Variants in ZBTB8A observed in about 807,000 individuals in gnomAD.
ZBTB8A encodes the protein zinc finger and BTB domain-containing protein 8A.
A neutral mutation model predicts 37.8 loss-of-function variants in ZBTB8A; 19 were observed. The observed-to-expected ratio is 0.50, with a 90% CI of 0.35 to 0.74. ZBTB8A has a LOEUF of 0.74. ZBTB8A is among the 30% of genes least tolerant of loss of function. The probability of loss-of-function intolerance (pLI) is 0.01; values close to 1 mark genes in which losing one functional copy is unlikely to be tolerated. For synonymous variants in ZBTB8A, 181 were observed against 185.2 expected (o/e 0.98, Z 0.19); for missense variants, 394 against 537.8 (o/e 0.73, Z 2.65).
At chr1:32,550,012 A>G (rs1644138979) in intron 1 of ZBTB8A, among the ~76,000 whole-genome samples, 1 of 152,172 alleles carries the variant, frequency 6.6e-6, no homozygotes, top group Non-Finnish European at 1.5e-5. Context: ...GGGAAACTGA[A>G]TTGTAAAGGA....
chr1:32,601,902 G>T lies in ZBTB8A; in HGVS notation c.*1483G>T. 1 of 381,836 alleles carries T rather than the reference G, an allele frequency of 2.6e-6. No individual in the cohort carries two copies. The highest frequency in any genetic ancestry group is 4.6e-6 in the Non-Finnish European group (1 of 216,642). The allele number at this position is 381,836 out of a possible 1,614,324, so 23.7% of individuals were successfully genotyped here. The stretch of plus-strand genomic sequence containing the variant: ...ACCTATTGGTATGTTTTTATGTCAC[G>T]TTATTTATATGTAAATTTAAAGTAT... On this transcript the variant is annotated 3_prime_UTR_variant, in exon 5 of 5. Coordinates refer to ENST00000373510, the MANE Select transcript of ZBTB8A (RefSeq NM_001040441.3).
At chr1:32,591,853 GT>G in intron 2 of ZBTB8A, among the ~76,000 whole-genome samples, 1 of 152,080 alleles carries the variant, frequency 6.6e-6, no homozygotes, top group Middle Eastern at 3.4e-3. Context: ...TTGTTTGTTT[GT>G]TTGTTTTTTC....
chr1:32,549,487 C>T (rs1437833906), intron 1 of ZBTB8A, among the ~76,000 whole-genome samples: 15 of 146,538 alleles, frequency 1.0e-4, no homozygotes, highest in South Asian at 2.2e-4. Flanking sequence ...AGTAAAACTC[C>T]GTCTCAAAAA....
intron 2 of ZBTB8A, among the ~76,000 whole-genome samples, chr1:32,591,922 C>G (rs982102835): frequency 2.0e-5 from 3 of 152,116 alleles, no homozygotes; most frequent in Non-Finnish European, 4.4e-5. Context: ...CGGCTCACTG[C>G]AACCTCTACC....
rs1570297224 is a variant in ZBTB8A at position 32,539,740 on chromosome 1, G to C, written c.-84+168G>C. ...TCCCCGGGCCGGGAGCGCGGCGGGA[G>C]GCGCCCGGGAGGGGCTGCGGGACAA... On this transcript the variant is annotated intron_variant, in intron 1 of 4. Coordinates refer to ENST00000373510, the MANE Select transcript of ZBTB8A (RefSeq NM_001040441.3). 3.3e-3 allele frequency among the ~76,000 whole-genome samples: 146 copies of C among 44,644 alleles called. 1 individual carries two copies. Among genetic ancestry groups the C allele is most frequent in the Middle Eastern group, 0.013 (1 of 76 alleles). The allele number at this position is 44,644 out of a possible 152,430, so 29.3% of individuals were successfully genotyped here. A position where few individuals can be genotyped will look rare whatever the true frequency, so the allele number is the denominator to read the frequency against.
At chr1:32,581,362 T>TA (rs1557712848) in intron 2 of ZBTB8A, among the ~76,000 whole-genome samples, 27 of 133,504 alleles carry the variant, frequency 2.0e-4, no homozygotes, top group African/African-American at 7.7e-4. Flanking sequence ...ATATATATAT[T>TA]TTTTTTGAGA....
chr1:32,595,937 C>T (rs1001942404), intron 4 of ZBTB8A, among the ~76,000 whole-genome samples: 5 of 152,152 alleles, frequency 3.3e-5, no homozygotes, highest in Non-Finnish European at 5.9e-5. Context: ...GGGTTACAGG[C>T]GTGAGCCACA....
intron 2 of ZBTB8A, among the ~76,000 whole-genome samples, chr1:32,557,218 CT>C (rs1233365877): frequency 6.6e-6 from 1 of 150,872 alleles, no homozygotes; most frequent in Non-Finnish European, 1.5e-5. Context: ...AGGAGAATCA[CT>C]TGAACCTGGG....
At chr1:32,574,671 ATGTTTGCTGTGTAC>A (rs1326192597) in intron 2 of ZBTB8A, among the ~76,000 whole-genome samples, 18 of 152,240 alleles carry the variant, frequency 1.2e-4, no homozygotes, top group Non-Finnish European at 2.4e-4. Context: ...ATCTTGATTA[ATGTTTGCTGTGTAC>A]TTAAAAAGAA....
chr1:32,573,620 G>T (rs1570344782), intron 2 of ZBTB8A, among the ~76,000 whole-genome samples: 2 of 149,478 alleles, frequency 1.3e-5, no homozygotes, highest in East Asian at 4.0e-4. Flanking sequence ...TTTTTGTAGA[G>T]ACAGGGTTTC....
intron 2 of ZBTB8A, among the ~76,000 whole-genome samples, chr1:32,560,615 CTTTT>C (rs1170510859): frequency 2.2e-5 from 2 of 90,806 alleles, no homozygotes; most frequent in African/African-American, 4.5e-5. Context: ...TCTTTTCTTT[CTTTT>C]TTTTTTTTTT....
rs1285412274 is a variant in ZBTB8A, at chr1:32,600,823, A to T, written c.*404A>T. ...GACAATTTCAAGGTGTTTCAAAAAC[A>T]CATAACTACCAATGTTTAATTTCAC... On this transcript the variant is annotated 3_prime_UTR_variant, in exon 5 of 5. Transcript: ENST00000373510. The T allele has an allele frequency of 1.2e-5, 2 of 165,656 alleles. No individual in the cohort carries two copies. The highest frequency in any genetic ancestry group is 4.8e-5 in the African/African-American group (2 of 41,610). The allele number at this position is 165,656 out of a possible 1,614,324, so 10.3% of individuals were successfully genotyped here. A position where few individuals can be genotyped will look rare whatever the true frequency, so the allele number is the denominator to read the frequency against.
At chr1:32,563,333 G>A (rs191645784) in intron 2 of ZBTB8A, among the ~76,000 whole-genome samples, 1 of 152,272 alleles carries the variant, frequency 6.6e-6, no homozygotes, top group East Asian at 1.9e-4. Context: ...GGAGTTTGAG[G>A]TTGCAGTGAG....
intron 4 of ZBTB8A, among the ~76,000 whole-genome samples, chr1:32,599,641 C>T (rs963719931): frequency 1.3e-5 from 2 of 151,934 alleles, no homozygotes; most frequent in Non-Finnish European, 1.5e-5. Flanking sequence ...TGCATGAACC[C>T]CGGAGGCGGA....
At chr1:32,586,693 T>A (rs1644452438) in intron 2 of ZBTB8A, among the ~76,000 whole-genome samples, 1 of 151,946 alleles carries the variant, frequency 6.6e-6, no homozygotes, top group Admixed American at 6.6e-5. Flanking sequence ...CCTTGAATGT[T>A]CAGAAACAAG....
chr1:32,593,909 A>G (rs1644509693), intron 3 of ZBTB8A, among the ~76,000 whole-genome samples, 155 bp downstream of exon 3: 1 of 152,160 alleles, frequency 6.6e-6, no homozygotes, highest in Non-Finnish European at 1.5e-5. Context: ...TTATTTAGTA[A>G]GGATAGGCGT....
At chr1:32,577,868 CCACTT>C (rs1369842652) in intron 2 of ZBTB8A, among the ~76,000 whole-genome samples, 1 of 151,888 alleles carries the variant, frequency 6.6e-6, no homozygotes, top group African/African-American at 2.4e-5. Context: ...CAGGTGTGAG[CCACTT>C]CACTTGGCCC....
chr1:32,553,674 G>T (rs1000051793), intron 2 of ZBTB8A, 134 bp downstream of exon 2: 7 of 151,952 alleles, frequency 4.6e-5, no homozygotes, highest in African/African-American at 1.7e-4. Context: ...ATCACCTGAG[G>T]TCGGGAGTTC....
rs886381448 is a variant in ZBTB8A at position 32,605,187 on chromosome 1, G to T, written c.*4768G>T. The T allele has an allele frequency of 4.0e-5, 6 of 150,366 alleles. No homozygotes were observed. Among genetic ancestry groups the T allele is most frequent in the African/African-American group, 1.5e-4 (6 of 40,672 alleles). The allele number at this position is 150,366 out of a possible 1,614,324, so 9.3% of individuals were successfully genotyped here. A position where few individuals can be genotyped will look rare whatever the true frequency, so the allele number is the denominator to read the frequency against. ...AAAAAAAAAAGATGTGTTTAACTGG[G>T]AAGGGTGATAATAATAGAATAATAG... On this transcript the variant is annotated 3_prime_UTR_variant, in exon 5 of 5. Coordinates refer to ENST00000373510, the MANE Select transcript of ZBTB8A (RefSeq NM_001040441.3).
Sources: allele counts gnomAD v4.1 joint callset (sites outside exome capture counted in the v4.1 genomes callset), GRCh38; gene constraint gnomAD v4.1.1; transcripts MANE v1.5; gene names NCBI Gene and HGNC (gene_info 2026-07-23, HGNC 2026-07-21).